DGKB: variants seen among roughly 807,000 people sequenced by gnomAD.
The protein encoded by DGKB is 90 kDa diacylglycerol kinase.
In DGKB, 67 loss-of-function variants were observed where a neutral mutation model predicts 114.3. The observed-to-expected ratio is 0.59, with a 90% CI of 0.48 to 0.72. The LOEUF (loss-of-function observed/expected upper bound fraction) is 0.72. Ranked by LOEUF, DGKB falls within the 30% of genes least tolerant of loss-of-function variation. The pLI is 0.00. For synonymous variants in DGKB, 398 were observed against 323.1 expected (o/e 1.23, Z -2.49); for missense variants, 907 against 975.2 (o/e 0.93, Z 0.93).
intron 2 of DGKB, among the ~76,000 whole-genome samples, chr7:14,786,408 G>A (rs1018993926): frequency 3.9e-5 from 6 of 152,124 alleles, no homozygotes; most frequent in African/African-American, 1.4e-4. Flanking sequence ...AAAACAGACT[G>A]ATCAACTCCT....
intron 1 of DGKB, among the ~76,000 whole-genome samples, chr7:14,900,889 T>C (rs939402172): frequency 1.3e-5 from 2 of 152,176 alleles, no homozygotes; most frequent in Non-Finnish European, 1.5e-5. Context: ...TTTCAGGTAA[T>C]AATAGTTGAC....
chr7:14,866,230 A>G (rs1388974016), intron 1 of DGKB, among the ~76,000 whole-genome samples: 1 of 152,108 alleles, frequency 6.6e-6, no homozygotes, highest in African/African-American at 2.4e-5. Flanking sequence ...AGAGTGGTAC[A>G]TTTGTTGCAA....
At chr7:14,223,227 T>G (rs1296751123) in intron 23 of DGKB, among the ~76,000 whole-genome samples, 1 of 151,740 alleles carries the variant, frequency 6.6e-6, no homozygotes, top group Admixed American at 6.6e-5. Context: ...TGCTTTCTTT[T>G]GCATTTAGTA....
At chr7:14,193,812 T>C (rs149859408) in intron 23 of DGKB, among the ~76,000 whole-genome samples, 21 of 151,790 alleles carry the variant, frequency 1.4e-4, no homozygotes, top group African/African-American at 5.1e-4. Context: ...AGTTAATATA[T>C]AGAATATATA....
At chr7:14,521,495 C>G (rs1789760470) in intron 20 of DGKB, among the ~76,000 whole-genome samples, 1 of 152,134 alleles carries the variant, frequency 6.6e-6, no homozygotes, top group South Asian at 2.1e-4. Flanking sequence ...AACTTTCAAA[C>G]ATTATATTCT....
intron 20 of DGKB, among the ~76,000 whole-genome samples, chr7:14,497,160 G>C (rs952046271): frequency 3.3e-5 from 5 of 151,750 alleles, no homozygotes; most frequent in Non-Finnish European, 7.4e-5. Flanking sequence ...ATACAGAGTA[G>C]TATATTGGAC....
At chr7:14,667,932 A>G (rs1221384811) in intron 13 of DGKB, among the ~76,000 whole-genome samples, 1 of 152,102 alleles carries the variant, frequency 6.6e-6, no homozygotes, top group African/African-American at 2.4e-5. Context: ...GCTTGACACA[A>G]CAAGTGCACT....
chr7:14,400,232 TAGTC>T (rs561962330), intron 21 of DGKB, among the ~76,000 whole-genome samples: 72 of 151,970 alleles, frequency 4.7e-4, no homozygotes, highest in African/African-American at 1.6e-3. Context: ...GTTCAGTAAA[TAGTC>T]AGAATAACCC....
intron 21 of DGKB, among the ~76,000 whole-genome samples, chr7:14,391,421 G>T (rs1563085001): frequency 6.6e-6 from 1 of 151,686 alleles, no homozygotes; most frequent in Non-Finnish European, 1.5e-5. Flanking sequence ...GGTGGCTTAT[G>T]CCTGTAATCC....
intron 13 of DGKB, among the ~76,000 whole-genome samples, chr7:14,631,327 A>G (rs1809668448): frequency 6.6e-6 from 1 of 151,758 alleles, no homozygotes; most frequent in Non-Finnish European, 1.5e-5. Context: ...TGACACCCTC[A>G]CAGCTGTGCA....
upstream of DGKB, among the ~76,000 whole-genome samples, chr7:14,907,306 C>T (rs936502373): frequency 6.6e-6 from 1 of 152,216 alleles, no homozygotes; most frequent in Admixed American, 6.5e-5. Flanking sequence ...ATTTACAGGC[C>T]TTTCCACTGG....
chr7:14,493,949 C>G (rs534688856), intron 20 of DGKB, among the ~76,000 whole-genome samples: 1 of 151,334 alleles, frequency 6.6e-6, no homozygotes, highest in Non-Finnish European at 1.5e-5. Context: ...CACACACACA[C>G]ACACACACAC....
chr7:14,491,222 G>A (rs1034094189), intron 20 of DGKB, among the ~76,000 whole-genome samples: 14 of 151,912 alleles, frequency 9.2e-5, no homozygotes, highest in African/African-American at 3.1e-4. Context: ...AATCATGGGG[G>A]CTTTTTCCCC....
intron 23 of DGKB, among the ~76,000 whole-genome samples, chr7:14,326,266 T>G (rs1011206858): frequency 6.6e-6 from 1 of 152,116 alleles, no homozygotes; most frequent in Non-Finnish European, 1.5e-5. Flanking sequence ...AATAAACCAA[T>G]TGGTATGATA....
intron 21 of DGKB, among the ~76,000 whole-genome samples, chr7:14,435,815 C>A (rs574072681): frequency 1.9e-4 from 29 of 152,160 alleles, no homozygotes; most frequent in Admixed American, 8.5e-4. Flanking sequence ...TGTTAGAAAG[C>A]AAGTTTATTA....
intron 20 of DGKB, among the ~76,000 whole-genome samples, chr7:14,570,439 T>C (rs138332352): frequency 6.6e-6 from 1 of 152,206 alleles, no homozygotes; most frequent in African/African-American, 2.4e-5. Flanking sequence ...CTGACCACTC[T>C]TGCAGACAAA....
At chr7:14,158,247 T>A (rs1245886913) in intron 25 of DGKB, among the ~76,000 whole-genome samples, 3 of 152,202 alleles carry the variant, frequency 2.0e-5, no homozygotes, top group Non-Finnish European at 4.4e-5. Flanking sequence ...CCCTCTTCTA[T>A]CTGAGACAAC....
At chr7:14,752,525 G>C (rs1248225121) in intron 4 of DGKB, among the ~76,000 whole-genome samples, 1 of 152,158 alleles carries the variant, frequency 6.6e-6, no homozygotes, top group Non-Finnish European at 1.5e-5. Flanking sequence ...AACACTGATA[G>C]ACAAAGAGCA....
At chr7:14,634,470 C>A in intron 13 of DGKB, among the ~76,000 whole-genome samples, 1 of 128,110 alleles carries the variant, frequency 7.8e-6, no homozygotes, top group African/African-American at 3.0e-5. Flanking sequence ...ATCACTATAT[C>A]TACAAAGTGA....
Sources: allele counts gnomAD v4.1 joint callset (sites outside exome capture counted in the v4.1 genomes callset), GRCh38; gene constraint gnomAD v4.1.1; transcripts MANE v1.5; gene names NCBI Gene and HGNC (gene_info 2026-07-23, HGNC 2026-07-21).